Variants in ARID5B observed in about 807,000 individuals in gnomAD.
The protein encoded by ARID5B is AT-rich interaction domain 5B.
ARID5B carries 13 observed loss-of-function variants against 97.2 expected under a neutral mutation model. The ratio of observed to expected loss-of-function variants is 0.13; its 90% CI spans 0.09 to 0.21. The LOEUF (loss-of-function observed/expected upper bound fraction) is 0.21, where lower values mean the gene tolerates loss of function less well. Ranked by LOEUF, ARID5B falls within the 10% of genes least tolerant of loss-of-function variation. The pLI, the probability that ARID5B is intolerant of heterozygous loss-of-function variation, is 1.00. For missense variants in ARID5B, 1,210 were observed against 1,465.3 expected, an observed-to-expected ratio of 0.83 and a Z score of 2.84; for synonymous variants, 556 against 570.3, an observed-to-expected ratio of 0.97 and a Z score of 0.36.
At chr10:61,985,009 CT>C (rs1232469637) in intron 3 of ARID5B, among the ~76,000 whole-genome samples, 1 of 152,010 alleles carries the variant, frequency 6.6e-6, no homozygotes, top group Non-Finnish European at 1.5e-5. Flanking sequence ...TTCCTTAGGG[CT>C]GCCCAAAGGA....
Position 61,927,620 on chromosome 10 carries a change from GA to G in ARID5B, c.277-12561del, listed in dbSNP as rs530982345. On this transcript the variant is annotated intron_variant, in intron 2 of 9. Transcript: ENST00000279873. ...ATTTGCAATTGAGGTGTTTACTGTAGAAGACAGAATTATGCAATTCAGCATC... is the reference window on the plus strand; with the variant it reads ...ATTTGCAATTGAGGTGTTTACTGTAGAGACAGAATTATGCAATTCAGCATC... 8.0e-4 allele frequency among the ~76,000 whole-genome samples: 122 copies of G among 152,332 alleles called. 2 individuals are homozygous for G. The highest frequency in any genetic ancestry group is 5.8e-3 in the Admixed American group (89 of 15,300).
intron 2 of ARID5B, among the ~76,000 whole-genome samples, chr10:61,934,201 G>C (rs1844259544): frequency 1.3e-5 from 2 of 152,184 alleles, no homozygotes; most frequent in Non-Finnish European, 2.9e-5. Flanking sequence ...GAATTGAAGA[G>C]AGTTAGGGCC....
intron 3 of ARID5B, among the ~76,000 whole-genome samples, chr10:61,961,615 A>C (rs1838471609): frequency 6.6e-6 from 1 of 152,184 alleles, no homozygotes; most frequent in Non-Finnish European, 1.5e-5. Flanking sequence ...CAGAGGATGA[A>C]ATGCTGTAGG....
intron 3 of ARID5B, among the ~76,000 whole-genome samples, chr10:61,968,858 A>G (rs1589239458): frequency 6.6e-6 from 1 of 152,322 alleles, no homozygotes; most frequent in East Asian, 1.9e-4. Flanking sequence ...AACAATCCCA[A>G]AGACAAAGAA....
At chr10:62,057,489 C>T (rs1839871862) in intron 6 of ARID5B, among the ~76,000 whole-genome samples, 171 bp downstream of exon 6, 1 of 152,110 alleles carries the variant, frequency 6.6e-6, no homozygotes, top group Admixed American at 6.6e-5. Context: ...CTGCCTTTTT[C>T]CGCTACATTG....
At chr10:61,923,559 A>G (rs892829972) in intron 2 of ARID5B, among the ~76,000 whole-genome samples, 2 of 152,176 alleles carry the variant, frequency 1.3e-5, no homozygotes, top group African/African-American at 4.8e-5. Flanking sequence ...ATTTTTCATT[A>G]TATAAACCAC....
At chr10:61,979,605 C>T (rs1480761182) in intron 3 of ARID5B, among the ~76,000 whole-genome samples, 1 of 152,142 alleles carries the variant, frequency 6.6e-6, no homozygotes. Context: ...CTGCCAGGAC[C>T]ACTGCCCTTC....
intron 3 of ARID5B, among the ~76,000 whole-genome samples, chr10:61,976,230 G>A (rs1444109428): frequency 6.6e-6 from 1 of 152,214 alleles, no homozygotes; most frequent in African/African-American, 2.4e-5. Context: ...ATATGACTGA[G>A]AAACTGAATT....
rs1304586665 is a variant in ARID5B at position 62,069,673 on chromosome 10, T to G, written c.1102-27T>G. Reference sequence around the variant, plus strand: ...ACTATGAATCTCTTATGATGTAAGATTGAATTTCCCATTGCCATTTTTTCA... The same window carrying G: ...ACTATGAATCTCTTATGATGTAAGAGTGAATTTCCCATTGCCATTTTTTCA... On this transcript the variant is annotated intron_variant, in intron 7 of 9. Transcript: ENST00000279873. The G allele has an allele frequency of 1.9e-6, 3 of 1,593,042 alleles. No homozygotes were observed. The African/African-American group carries it at 4.0e-5, about 21-fold the overall frequency.
Position 62,093,825 on chromosome 10 carries a change from G to A in ARID5B, c.*795G>A, listed in dbSNP as rs1840425565. ...GTGGTAAAGTTATTGTTTACAAATT[G>A]AAGCAACTGATTCTAGTGGAACAAA... On this transcript the variant is annotated 3_prime_UTR_variant, in exon 10 of 10. Transcript: ENST00000279873. 4.3e-6 allele frequency: 1 copy of A among 233,456 alleles called. No homozygotes were observed. Among genetic ancestry groups the A allele is most frequent in the East Asian group, 6.0e-5 (1 of 16,554 alleles). The allele number at this position is 233,456 out of a possible 1,614,324, so 14.5% of individuals were successfully genotyped here.
chr10:61,951,814 G>A (rs1838327774), intron 3 of ARID5B, among the ~76,000 whole-genome samples: 1 of 152,050 alleles, frequency 6.6e-6, no homozygotes, highest in South Asian at 2.1e-4. Context: ...AAAATCTACT[G>A]TTTGGGAATC....
chr10:61,999,674 A>T (rs893216766), intron 3 of ARID5B, among the ~76,000 whole-genome samples: 3 of 152,240 alleles, frequency 2.0e-5, no homozygotes, highest in Admixed American at 6.5e-5. Flanking sequence ...GATCATCTGT[A>T]TAATCCAATA....
intron 3 of ARID5B, among the ~76,000 whole-genome samples, chr10:61,961,880 T>C (rs1589236553): frequency 2.0e-5 from 3 of 152,194 alleles, no homozygotes; most frequent in African/African-American, 7.2e-5. Context: ...CCCAAGTAGC[T>C]GGGATTACAG....
rs1367766830 is a variant in ARID5B, at chr10:62,092,471, C to A, written c.3008C>A (p.Pro1003Gln). The change falls in exon 10 of 10, where the codon CCG (proline) becomes CAG (glutamine). Residue 1003 changes from proline to glutamine, a missense_variant. By Grantham distance (76) the Pro-to-Gln change is moderately conservative (BLOSUM62 -1). Around this residue, in one of 8 missense-constraint regions of ARID5B, gnomAD observed 800 missense variants for 839.1 expected, o/e 0.95. Transcript: ENST00000279873. ...CCAATCCTGCACCGGAAAATGAGCC[C>A]GCAGAACATTGGGGCGGCGCGGCCG... Reference protein sequence around the residue: ...VHPILHRKMSPQNIGAARPIK... With the variant: ...VHPILHRKMSQQNIGAARPIK... 6.2e-7 allele frequency: 1 copy of A among 1,614,152 alleles called. No homozygotes were observed. Among genetic ancestry groups the A allele is most frequent in the Non-Finnish European group, 8.5e-7 (1 of 1,180,014 alleles).
At chr10:62,049,153 G>C (rs1839750962) in intron 4 of ARID5B, 1 of 1,227,994 alleles carries the variant, frequency 8.1e-7, no homozygotes, top group East Asian at 3.7e-5. Context: ...CAAGAGGTCA[G>C]GATCCACAAA....
At chr10:61,987,471 A>G (rs1219558010) in intron 3 of ARID5B, among the ~76,000 whole-genome samples, 1 of 152,222 alleles carries the variant, frequency 6.6e-6, no homozygotes. Context: ...GTTACAGAGT[A>G]ACTGTATCTT....
rs1220788281 is a variant in ARID5B, at chr10:62,091,263, C to T, written c.1800C>T (p.Thr600=). 6 of 1,614,068 alleles carry T rather than the reference C, an allele frequency of 3.7e-6. No individual in the cohort carries two copies. The Admixed American group carries it at 5.0e-5, about 13-fold the overall frequency. The change falls in exon 10 of 10, where the codon ACC becomes ACT. Residue 600 remains threonine (T), a synonymous_variant. Transcript: ENST00000279873. ...AAGCATCCTTCCCCAGCTTCCCCAC[C>T]ACACAGCCACCGCTGGCAAACCAGA... ...PQEASFPSFP[T]TQPPLANQNE...
At chr10:61,902,114 C>G in intron 1 of ARID5B, 45 bp from the exon 2 acceptor site, 1 of 1,607,032 alleles carries the variant, frequency 6.2e-7, no homozygotes, top group Non-Finnish European at 8.5e-7. Context: ...TGTTTGTGCT[C>G]TGATGGCTAC....
intron 4 of ARID5B, among the ~76,000 whole-genome samples, chr10:62,003,493 C>T (rs186554089): frequency 6.6e-5 from 10 of 152,312 alleles, no homozygotes; most frequent in Admixed American, 3.3e-4. Flanking sequence ...TTGTTTAAAA[C>T]TCATGTTCTG....
Sources: allele counts gnomAD v4.1 joint callset (sites outside exome capture counted in the v4.1 genomes callset), GRCh38; gene constraint gnomAD v4.1.1; regional missense constraint gnomAD v4.1.1; transcripts MANE v1.5; gene names NCBI Gene and HGNC (gene_info 2026-07-23, HGNC 2026-07-21).